The following TMEM30A variants were observed in gnomAD, a reference collection of about 807,000 sequenced individuals.
The protein encoded by TMEM30A is cell division cycle 50 P4-ATPase accessory subunit A, also known as cell cycle control protein 50A.
In TMEM30A, 24 loss-of-function variants were observed where a neutral mutation model predicts 38.2. The observed-to-expected ratio is 0.63, with a 90% CI of 0.46 to 0.88. TMEM30A has a LOEUF of 0.88. TMEM30A is among the 40% of genes least tolerant of loss of function. The pLI is 0.00. For synonymous variants in TMEM30A, 145 were observed against 161.6 expected (o/e 0.90, Z 0.78); for missense variants, 370 against 458.6 (o/e 0.81, Z 1.77).
rs549314037 is a variant in TMEM30A, at chr6:75,254,816, T to G, written c.*1286A>C. ...TTCATGCATGTGGAAAAATTATTTT[T>G]AACTAGAACTTTAAGAATAAGTTCC... On this transcript the variant is annotated 3_prime_UTR_variant, in exon 7 of 7. Coordinates refer to ENST00000230461, the MANE Select transcript of TMEM30A (RefSeq NM_018247.4). 1 of 152,666 alleles carries G rather than the reference T, an allele frequency of 6.6e-6. No homozygotes were observed. Among genetic ancestry groups the G allele is most frequent in the African/African-American group, 2.4e-5 (1 of 41,576 alleles). 9.5% of individuals were successfully genotyped at this position (152,666 alleles called of 1,614,324 possible).
rs373287180 is a variant in TMEM30A, at chr6:75,284,642, T to A, written c.-4A>T. ...TCGCGTTATAGTTCATCGCCATCGA[T>A]CCCTGGGGCGCCGCTCCGCGATTTG... is the stretch of plus-strand genomic sequence containing the variant. On this transcript the variant is annotated 5_prime_UTR_variant, in exon 1 of 7. Coordinates refer to ENST00000230461, the MANE Select transcript of TMEM30A (RefSeq NM_018247.4). 5 of 1,612,082 alleles carry A rather than the reference T, an allele frequency of 3.1e-6. No individual in the cohort carries two copies. The highest frequency in any genetic ancestry group is 3.4e-6 in the Non-Finnish European group (4 of 1,179,886).
At chr6:75,260,648 TGTAA>T (rs1435210668) in intron 4 of TMEM30A, among the ~76,000 whole-genome samples, 172 bp downstream of exon 4, 1 of 152,148 alleles carries the variant, frequency 6.6e-6, no homozygotes, top group Admixed American at 6.5e-5. Context: ...CACTCTAAAA[TGTAA>T]GTATGCTCAA....
At chr6:75,273,464 A>G (rs1372995878) in intron 1 of TMEM30A, among the ~76,000 whole-genome samples, 2 of 151,420 alleles carry the variant, frequency 1.3e-5, no homozygotes, top group East Asian at 3.9e-4. Context: ...ACAACATTAA[A>G]ATAGAATGGA....
chr6:75,279,211 A>G (rs1291817643), intron 1 of TMEM30A, among the ~76,000 whole-genome samples: 1 of 152,194 alleles, frequency 6.6e-6, no homozygotes, highest in Non-Finnish European at 1.5e-5. Context: ...ATGTATGAAG[A>G]CAATGTCCAA....
chr6:75,283,073 A>G (rs1772386396), intron 1 of TMEM30A, among the ~76,000 whole-genome samples: 1 of 152,248 alleles, frequency 6.6e-6, no homozygotes. Flanking sequence ...GTAACTCTCT[A>G]GTTATTAAAT....
chr6:75,282,816 G>A (rs1243321358), intron 1 of TMEM30A, among the ~76,000 whole-genome samples: 1 of 152,120 alleles, frequency 6.6e-6, no homozygotes, highest in African/African-American at 2.4e-5. Context: ...TATTTTGCAG[G>A]AAACTGAAGC....
At chr6:75,262,882 C>G (rs1489438473) in intron 3 of TMEM30A, among the ~76,000 whole-genome samples, 1 of 152,212 alleles carries the variant, frequency 6.6e-6, no homozygotes, top group Non-Finnish European at 1.5e-5. Flanking sequence ...TTATTAAATG[C>G]CTTCCATGTG....
intron 1 of TMEM30A, among the ~76,000 whole-genome samples, chr6:75,281,083 T>C (rs1032819928): frequency 6.6e-6 from 1 of 152,102 alleles, no homozygotes; most frequent in African/African-American, 2.4e-5. Flanking sequence ...TTCACTAAGA[T>C]CTCATGAAAA....
Position 75,284,722 on chromosome 6 carries a change from G to A in TMEM30A, c.-84C>T. The A allele has an allele frequency of 2.9e-6, 4 of 1,383,040 alleles. No individual in the cohort carries two copies. The highest frequency in any genetic ancestry group is 4.1e-6 in the Non-Finnish European group (4 of 986,640). The allele number at this position is 1,383,040 out of a possible 1,614,324, so 85.7% of individuals were successfully genotyped here. On this transcript the variant is annotated 5_prime_UTR_variant, in exon 1 of 7. Coordinates refer to ENST00000230461, the MANE Select transcript of TMEM30A (RefSeq NM_018247.4). The stretch of plus-strand genomic sequence containing the variant: ...TGACCCTGACAGGAACCGCTCGAGC[G>A]CCGCTGCCGCCGCCGCCGCCGCAGC...
Position 75,253,889 on chromosome 6 carries a change from A to C in TMEM30A, c.*2213T>G, listed in dbSNP as rs1771824743. ...TCATAATTCAAAATAGTTCCTGAAA[A>C]TTAATGCATCCTTCAATGTCTTCTA... On this transcript the variant is annotated 3_prime_UTR_variant, in exon 7 of 7. Transcript: ENST00000230461. 6.6e-6 allele frequency: 1 copy of C among 152,172 alleles called. No individual in the cohort carries two copies. The highest frequency in any genetic ancestry group is 1.5e-5 in the Non-Finnish European group (1 of 67,994). The allele number at this position is 152,172 out of a possible 1,614,324, so 9.4% of individuals were successfully genotyped here.
At position 75,258,862 on chromosome 6, in the gene TMEM30A, GC is replaced by G; in HGVS notation, c.809del (p.Arg270ProfsTer7). The G allele has an allele frequency of 6.2e-7, 1 of 1,613,930 alleles. No homozygotes were observed. The highest frequency in any genetic ancestry group is 2.2e-5 in the East Asian group (1 of 44,838). Reference protein sequence around the residue: ...WMRTAALPTFRKLYRLIERKS... With the variant: ...WMRTAALPTFXKLYRLIERKS... ...TCCTTTCTATAAGACGATACAACTT[GC>G]GAAAAGTAGGTAATGCTGCAGTACG... On this transcript the variant is annotated frameshift_variant, in exon 6 of 7. Transcript: ENST00000230461. LOFTEE classifies it high-confidence loss of function.
chr6:75,284,792 G>T lies in TMEM30A; in HGVS notation c.-154C>A. ...GCCACCTCCGCTGTAGAGCGGAAGA[G>T]GCGGGACACTCTTCCGCCAAAGGCT... On this transcript the variant is annotated 5_prime_UTR_variant, in exon 1 of 7. Transcript: ENST00000230461. 1.4e-6 allele frequency: 1 copy of T among 723,880 alleles called. No homozygotes were observed. Among genetic ancestry groups the T allele is most frequent in the Non-Finnish European group, 2.4e-6 (1 of 424,132 alleles). The allele number at this position is 723,880 out of a possible 1,614,324, so 44.8% of individuals were successfully genotyped here. A position where few individuals can be genotyped will look rare whatever the true frequency, so the allele number is the denominator to read the frequency against.
In TMEM30A at chr6:75,256,236, T is replaced by C. The variant is rs765723679; in HGVS notation, c.952A>G (p.Met318Val). 2.5e-6 allele frequency: 4 copies of C among 1,613,608 alleles called. No individual in the cohort carries two copies. In the Admixed American group the frequency reaches 6.7e-5, roughly 27 times the overall value. ...CCCAAAAATGGATTTTTTCCTCCCATCCATGAAATAGTGCTCAAGATCATC... is the reference window on the plus strand; with the variant it reads ...CCCAAAAATGGATTTTTTCCTCCCACCCATGAAATAGTGCTCAAGATCATC... The part of the protein sequence containing the change: ...KRMILSTISW[M>V]GGKNPFLGIA... Residue 318 changes from methionine to valine, a missense_variant, in exon 7 of 7, where the codon ATG becomes GTG. Physicochemically the swap from Met to Val is conservative, Grantham distance 21. Coordinates refer to ENST00000230461, the MANE Select transcript of TMEM30A (RefSeq NM_018247.4).
chr6:75,267,556 G>T, intron 2 of TMEM30A, 85 bp downstream of exon 2: 1 of 918,036 alleles, frequency 1.1e-6, no homozygotes, highest in Non-Finnish European at 1.6e-6. Context: ...TCTATAAAAG[G>T]AAAATACCTT....
Position 75,265,261 on chromosome 6 carries a change from A to C in TMEM30A, c.423T>G (p.Ser141Arg). 1 of 1,610,376 alleles carries C rather than the reference A, an allele frequency of 6.2e-7. No homozygotes were observed. The highest frequency in any genetic ancestry group is 8.5e-7 in the Non-Finnish European group (1 of 1,177,568). The change falls in exon 3 of 7, where the codon AGT (serine) becomes AGG (arginine). Residue 141 changes from serine to arginine, a missense_variant. By Grantham distance (110) the Ser-to-Arg change is moderately radical. Coordinates refer to ENST00000230461, the MANE Select transcript of TMEM30A (RefSeq NM_018247.4). ...AAGCACTAGAATCTCCATTTAGTTG[A>C]CTATCATCTCGAGATTTCACGTAAC... ...HRRYVKSRDD[S>R]QLNGDSSALL...
intron 6 of TMEM30A, 88 bp downstream of exon 6, chr6:75,258,691 AC>A: frequency 8.5e-7 from 1 of 1,172,166 alleles, no homozygotes; most frequent in South Asian, 1.4e-5. Flanking sequence ...AAACTAAAGC[AC>A]AAGGTAACAT....
chr6:75,281,687 T>C (rs1325282237), intron 1 of TMEM30A, among the ~76,000 whole-genome samples: 1 of 152,204 alleles, frequency 6.6e-6, no homozygotes, highest in Non-Finnish European at 1.5e-5. Flanking sequence ...TTTGGCACTT[T>C]AAGCTATATT....
At position 75,256,037 on chromosome 6, in the gene TMEM30A, G is replaced by A. The variant is rs936394259; in HGVS notation, c.*65C>T. Reference sequence around the variant, plus strand: ...ACATACTAACCAGATATCAGCATTCGAAAGCTAGGTTGAATAGGACTGGCC... The same window carrying A: ...ACATACTAACCAGATATCAGCATTCAAAAGCTAGGTTGAATAGGACTGGCC... On this transcript the variant is annotated 3_prime_UTR_variant, in exon 7 of 7. Coordinates refer to ENST00000230461, the MANE Select transcript of TMEM30A (RefSeq NM_018247.4). 11 of 1,173,780 alleles carry A rather than the reference G, an allele frequency of 9.4e-6. No individual in the cohort carries two copies. The highest frequency in any genetic ancestry group is 7.5e-5 in the Admixed American group (3 of 39,792). 72.7% of individuals were successfully genotyped at this position (1,173,780 alleles called of 1,614,324 possible).
At position 75,255,908 on chromosome 6, in the gene TMEM30A, A is replaced by C. The variant is rs1582272401; in HGVS notation, c.*194T>G. On this transcript the variant is annotated 3_prime_UTR_variant, in exon 7 of 7. Coordinates refer to ENST00000230461, the MANE Select transcript of TMEM30A (RefSeq NM_018247.4). ...CAGTGTTGATATGATCAATATAGCT[A>C]ATTTTTTTATACCCGTCATATATTT... 2 of 498,982 alleles carry C rather than the reference A, an allele frequency of 4.0e-6. No homozygotes were observed. Among genetic ancestry groups the C allele is most frequent in the African/African-American group, 1.9e-5 (1 of 51,740 alleles). The allele number at this position is 498,982 out of a possible 1,614,324, so 30.9% of individuals were successfully genotyped here.
Sources: gnomAD v4.1 joint callset for allele counts (sites outside exome capture counted in the v4.1 genomes callset) on GRCh38, gnomAD v4.1.1 for gene constraint, MANE v1.5 for transcripts, NCBI Gene and HGNC (gene_info 2026-07-23, HGNC 2026-07-21) for gene names.